Variants in ARID4B observed in about 807,000 individuals in gnomAD.
The protein encoded by ARID4B is AT-rich interactive domain-containing protein 4B.
In ARID4B, 26 loss-of-function variants were observed where a neutral mutation model predicts 147.5. The ratio of observed to expected loss-of-function variants is 0.18; its 90% CI spans 0.13 to 0.24. The LOEUF is 0.24. Ranked by LOEUF, ARID4B falls within the 10% of genes least tolerant of loss-of-function variation. The probability of loss-of-function intolerance (pLI) is 1.00; values close to 1 mark genes in which losing one functional copy is unlikely to be tolerated. For synonymous variants in ARID4B, 512 were observed against 507.9 expected, an observed-to-expected ratio of 1.01 and a Z score of -0.11; for missense variants, 1,179 against 1,511.5, an observed-to-expected ratio of 0.78 and a Z score of 3.65.
intron 2 of ARID4B, among the ~76,000 whole-genome samples, chr1:235,291,252 A>G (rs987485590): frequency 5.3e-5 from 8 of 151,378 alleles, no homozygotes; most frequent in Non-Finnish European, 1.2e-4. Context: ...AAAAATTAAA[A>G]ATAAATTAGC....
At chr1:235,298,395 A>C (rs1162966299) in intron 2 of ARID4B, among the ~76,000 whole-genome samples, 1 of 151,840 alleles carries the variant, frequency 6.6e-6, no homozygotes, top group African/African-American at 2.4e-5. Context: ...TTTTCCAAAA[A>C]TTAGAAAATG....
At chr1:235,241,991 T>C (rs1047079196) in intron 7 of ARID4B, among the ~76,000 whole-genome samples, 1 of 152,006 alleles carries the variant, frequency 6.6e-6, no homozygotes, top group Non-Finnish European at 1.5e-5. Context: ...GGAAGTATTG[T>C]ACTCCCAGCA....
chr1:235,209,534 T>G (rs1363397090), intron 17 of ARID4B, among the ~76,000 whole-genome samples: 1 of 150,858 alleles, frequency 6.6e-6, no homozygotes, highest in African/African-American at 2.4e-5. Context: ...ATGTAAAAAT[T>G]AACAAGAAAA....
rs186867085 is a variant in ARID4B, at chr1:235,243,293, A to G, written c.447-2842T>C. On this transcript the variant is annotated intron_variant, in intron 7 of 23. Transcript: ENST00000264183. ...GAAGCTCCTTAACTTTTCCTTTTAG[A>G]GGAGCTTAGCCAGAAAACTGTTTAC... is the stretch of plus-strand genomic sequence containing the variant. Among the ~76,000 whole-genome samples the G allele has an allele frequency of 3.3e-3, 500 of 152,236 alleles. 8 individuals carry two copies. The highest frequency in any genetic ancestry group is 4.3e-3 in the Non-Finnish European group (294 of 67,988).
chr1:235,229,093 A>AT, intron 11 of ARID4B, 138 bp downstream of exon 11: 1 of 1,003,706 alleles, frequency 1.0e-6, no homozygotes. Context: ...GATTATGAGG[A>AT]TCTCAAATAC....
chr1:235,281,149 C>T (rs1158645816), intron 2 of ARID4B, among the ~76,000 whole-genome samples: 2 of 148,478 alleles, frequency 1.3e-5, no homozygotes, highest in Non-Finnish European at 2.9e-5. Flanking sequence ...GGGTTGGGTG[C>T]GATGGCTCAG....
chr1:235,309,074 GT>G (rs1673811664), intron 2 of ARID4B, among the ~76,000 whole-genome samples: 1 of 149,890 alleles, frequency 6.7e-6, no homozygotes, highest in Non-Finnish European at 1.5e-5. Context: ...AGTGAGGAGC[GT>G]CTCTGCCCGG....
intron 2 of ARID4B, among the ~76,000 whole-genome samples, chr1:235,305,086 C>T (rs1553316228): frequency 6.6e-6 from 1 of 152,088 alleles, no homozygotes; most frequent in Non-Finnish European, 1.5e-5. Flanking sequence ...GGGAGATTAG[C>T]TTGTATTATC....
At chr1:235,186,503 CG>C (rs1664696066) in intron 19 of ARID4B, among the ~76,000 whole-genome samples, 1 of 151,706 alleles carries the variant, frequency 6.6e-6, no homozygotes, top group South Asian at 2.1e-4. Flanking sequence ...CTCCACCTCC[CG>C]GGTTCAGGCA....
chr1:235,310,755 G>C (rs1030353461), intron 2 of ARID4B, among the ~76,000 whole-genome samples: 1 of 152,128 alleles, frequency 6.6e-6, no homozygotes, highest in African/African-American at 2.4e-5. Flanking sequence ...CTGCAGACTT[G>C]ACATCCTGGG....
intron 2 of ARID4B, among the ~76,000 whole-genome samples, chr1:235,280,551 A>C (rs549642343): frequency 1.3e-5 from 2 of 152,278 alleles, no homozygotes; most frequent in Non-Finnish European, 2.9e-5. Context: ...CTCGCCACGC[A>C]AACGGCTCCT....
At chr1:235,192,497 C>T (rs1665180450) in intron 19 of ARID4B, among the ~76,000 whole-genome samples, 1 of 151,804 alleles carries the variant, frequency 6.6e-6, no homozygotes, top group Non-Finnish European at 1.5e-5. Context: ...AAAATATTGC[C>T]CTAATTAGTA....
chr1:235,299,209 G>A (rs1672959215), intron 2 of ARID4B, among the ~76,000 whole-genome samples: 1 of 152,152 alleles, frequency 6.6e-6, no homozygotes, highest in African/African-American at 2.4e-5. Flanking sequence ...GGGATAAACT[G>A]TGGTTTGGTT....
chr1:235,289,793 T>C (rs1350927869), intron 2 of ARID4B, among the ~76,000 whole-genome samples: 1 of 149,524 alleles, frequency 6.7e-6, no homozygotes, highest in Non-Finnish European at 1.5e-5. Flanking sequence ...ATATTTCATA[T>C]AAAAAGAATT....
At chr1:235,194,510 G>A (rs975657978) in intron 18 of ARID4B, among the ~76,000 whole-genome samples, 4 of 151,966 alleles carry the variant, frequency 2.6e-5, no homozygotes, top group South Asian at 2.1e-4. Flanking sequence ...ATCACAATAC[G>A]TTTAAATTAA....
At chr1:235,326,827 C>CTT in intron 2 of ARID4B, 87 bp downstream of exon 2, 1 of 1,531,132 alleles carries the variant, frequency 6.5e-7, no homozygotes, top group South Asian at 1.1e-5. Flanking sequence ...CTGCAAAACT[C>CTT]GGAAGCCCCA....
At chr1:235,191,616 C>T (rs1013307463) in intron 19 of ARID4B, among the ~76,000 whole-genome samples, 6 of 152,120 alleles carry the variant, frequency 3.9e-5, no homozygotes, top group Admixed American at 3.3e-4. Flanking sequence ...GGCTTATGAC[C>T]TGTCCAACTG....
intron 2 of ARID4B, among the ~76,000 whole-genome samples, chr1:235,291,113 T>C (rs184212434): frequency 5.1e-4 from 77 of 152,030 alleles, no homozygotes; most frequent in African/African-American, 1.5e-3. Flanking sequence ...AAGAAGAAAA[T>C]AGGCCAGGCG....
At chr1:235,221,468 T>G (rs975787341) in intron 14 of ARID4B, 97 bp downstream of exon 14, 1 of 651,898 alleles carries the variant, frequency 1.5e-6, no homozygotes, top group Non-Finnish European at 2.6e-6. Context: ...TGTTCTGATT[T>G]CTTTAAAGAA....
Sources: allele counts gnomAD v4.1 joint callset (sites outside exome capture counted in the v4.1 genomes callset), GRCh38; gene constraint gnomAD v4.1.1; transcripts MANE v1.5; gene names NCBI Gene and HGNC (gene_info 2026-07-23, HGNC 2026-07-21).